MC4R: variants seen among roughly 807,000 people sequenced by gnomAD.
MC4R encodes melanocortin 4 receptor.
A neutral mutation model predicts 16.1 loss-of-function variants in MC4R; 15 were observed. That is an observed-to-expected ratio of 0.93 (90% CI 0.62 to 1.44). The LOEUF is 1.44. MC4R is among the 40% of genes most tolerant of loss of function. The pLI, the probability that MC4R is intolerant of heterozygous loss-of-function variation, is 0.00. For synonymous variants in MC4R, 162 were observed against 151.7 expected (o/e 1.07, Z -0.50); for missense variants, 416 against 411.4 (o/e 1.01, Z -0.10).
rs759904803 is a variant in MC4R at position 60,371,726 on chromosome 18, C to A, written c.624G>T (p.Met208Ile). 1 of 1,614,128 alleles carries A rather than the reference C, an allele frequency of 6.2e-7. No individual in the cohort carries two copies. Among genetic ancestry groups the A allele is most frequent in the Middle Eastern group, 1.7e-4 (1 of 6,060 alleles). The change falls in exon 1 of 1, where the codon ATG becomes ATT. Residue 208 changes from methionine to isoleucine, a missense_variant. Met to Ile is a conservative substitution (Grantham distance 10). Transcript: ENST00000299766. ...GGAACATGTGGACATAGAGAGAAGC[C>A]ATGAGAGCCAGCATGGTGAAGAACA... ...ITMFFTMLAL[M>I]ASLYVHMFLM... is the part of the protein sequence containing the mutation.
rs960831118 is a variant in MC4R, at chr18:60,371,664, A to G, written c.686T>C (p.Leu229Pro). 1 of 1,614,094 alleles carries G rather than the reference A, an allele frequency of 6.2e-7. No homozygotes were observed. The highest frequency in any genetic ancestry group is 1.3e-5 in the African/African-American group (1 of 74,934). The change falls in exon 1 of 1, where the codon CTC becomes CCC. Residue 229 changes from leucine (L) to proline (P), a missense_variant. Coordinates refer to ENST00000299766, the MANE Select transcript of MC4R (RefSeq NM_005912.3). ...TTGGCGGATGGCACCAGTGCCGGGG[A>G]GGACAGCAATCCTCTTAATGTGAAG... ...ARLHIKRIAV[L>P]PGTGAIRQGA...
In MC4R at chr18:60,371,707, T is replaced by C; in HGVS notation, c.643A>G (p.Met215Val). Residue 215 changes from methionine to valine, a missense_variant, in exon 1 of 1, where the codon ATG (methionine) becomes GTG (valine). Met to Val is a conservative substitution (Grantham distance 21). Transcript: ENST00000299766. ...ATGTGAAGCCTGGCCATCAGGAACATGTGGACATAGAGAGAAGCCATGAGA... is the reference window on the plus strand; with the variant it reads ...ATGTGAAGCCTGGCCATCAGGAACACGTGGACATAGAGAGAAGCCATGAGA... Reference protein sequence around the residue: ...LALMASLYVHMFLMARLHIKR... With the variant: ...LALMASLYVHVFLMARLHIKR... The C allele has an allele frequency of 4.3e-6, 7 of 1,614,132 alleles. No individual in the cohort carries two copies. Among genetic ancestry groups the C allele is most frequent in the Non-Finnish European group, 5.9e-6 (7 of 1,180,012 alleles).
Position 60,371,361 on chromosome 18 carries a change from C to A in MC4R, c.989G>T (p.Ser330Ile), listed in dbSNP as rs1915332337. The change falls in exon 1 of 1, where the codon AGC becomes ATC. Residue 330 changes from serine (S) to isoleucine (I), a missense_variant. By Grantham distance (142) the Ser-to-Ile change is moderately radical. Coordinates refer to ENST00000299766, the MANE Select transcript of MC4R (RefSeq NM_005912.3). ...GTGCTCTGTCCCCATTTAATATCTG[C>A]TAGACAAGTCACAAAGGCCTCCCAG... ...YPLGGLCDLS[S>I]RY 6.2e-7 allele frequency: 1 copy of A among 1,614,148 alleles called. No homozygotes were observed. The highest frequency in any genetic ancestry group is 8.5e-7 in the Non-Finnish European group (1 of 1,180,022).
In MC4R at chr18:60,371,702, G is replaced by A. The variant is rs1171672015; in HGVS notation, c.648C>T (p.Phe216=). The A allele has an allele frequency of 6.2e-7, 1 of 1,614,174 alleles. No homozygotes were observed. Among genetic ancestry groups the A allele is most frequent in the South Asian group, 1.1e-5 (1 of 91,078 alleles). ...TCTTAATGTGAAGCCTGGCCATCAG[G>A]AACATGTGGACATAGAGAGAAGCCA... ...ALMASLYVHM[F]LMARLHIKRI... The change falls in exon 1 of 1, where the codon TTC becomes TTT. Residue 216 remains phenylalanine, a synonymous_variant. Coordinates refer to ENST00000299766, the MANE Select transcript of MC4R (RefSeq NM_005912.3).
rs1915328668 is a variant in MC4R, at chr18:60,371,247, A to G, written c.*104T>C. 1.7e-6 allele frequency: 2 copies of G among 1,175,018 alleles called. No individual in the cohort carries two copies. Among genetic ancestry groups the G allele is most frequent in the South Asian group, 2.5e-5 (2 of 81,472 alleles). The allele number at this position is 1,175,018 out of a possible 1,614,324, so 72.8% of individuals were successfully genotyped here. ...TACACAATGGATATTCTCAACCAGT[A>G]CCCTACACGGAAGAGAAAGCTGTTG... On this transcript the variant is annotated 3_prime_UTR_variant, in exon 1 of 1. Transcript: ENST00000299766.
Position 60,371,842 on chromosome 18 carries a change from T to C in MC4R, c.508A>G (p.Ile170Val), listed in dbSNP as rs121913560. Residue 170 changes from isoleucine (I) to valine (V), a missense_variant, in exon 1 of 1, where the codon ATA becomes GTA. Ile to Val is a conservative substitution (Grantham distance 29). Coordinates refer to ENST00000299766, the MANE Select transcript of MC4R (RefSeq NM_005912.3). Reference sequence around the variant, plus strand: ...GTGCAAGCTGCCCAGATACAACTTATGATGATCCCAACCCGCTTAACTGTC... The same window carrying C: ...GTGCAAGCTGCCCAGATACAACTTACGATGATCCCAACCCGCTTAACTGTC... ...IMTVKRVGII[I>V]SCIWAACTVS... 170 of 1,614,136 alleles carry C rather than the reference T, an allele frequency of 1.1e-4. No individual in the cohort carries two copies. Among genetic ancestry groups the C allele is most frequent in the African/African-American group, 9.7e-4 (73 of 75,018 alleles).
chr18:60,371,940 A>G lies in MC4R; in HGVS notation c.410T>C (p.Ile137Thr), dbSNP rs151102515. ...CACTGCAATTGAAAGCAGGCTGCAAATGGATGCAAGCAAGGAGCTACAGAT... is the reference window on the plus strand; with the variant it reads ...CACTGCAATTGAAAGCAGGCTGCAAGTGGATGCAAGCAAGGAGCTACAGAT... ...SVICSSLLAS[I>T]CSLLSIAVDR... is the part of the protein sequence containing the mutation. The change falls in exon 1 of 1, where the codon ATT becomes ACT. Residue 137 changes from isoleucine to threonine, a missense_variant. Transcript: ENST00000299766. 106 of 1,614,194 alleles carry G rather than the reference A, an allele frequency of 6.6e-5. 1 individual carries two copies. The highest frequency in any genetic ancestry group is 8.5e-5 in the Non-Finnish European group (100 of 1,180,042).
Position 60,372,415 on chromosome 18 carries a change from G to T in MC4R, c.-66C>A. ...CCTCCTGGGTCAGGGAGTCGTCTCAGTTATTTCCTCCAAGTCTTTATCTGT... is the reference window on the plus strand; with the variant it reads ...CCTCCTGGGTCAGGGAGTCGTCTCATTTATTTCCTCCAAGTCTTTATCTGT... On this transcript the variant is annotated 5_prime_UTR_variant, in exon 1 of 1. In the 5' UTR this introduces an upstream ATG that the reference lacks. Transcript: ENST00000299766. 6 of 1,555,596 alleles carry T rather than the reference G, an allele frequency of 3.9e-6. No individual in the cohort carries two copies. The South Asian group carries it at 5.7e-5, about 15-fold the overall frequency.
At position 60,372,350 on chromosome 18, in the gene MC4R, G is replaced by A. The variant is rs1915368740; in HGVS notation, c.-1C>T. The A allele has an allele frequency of 6.2e-7, 1 of 1,613,896 alleles. No individual in the cohort carries two copies. The highest frequency in any genetic ancestry group is 1.7e-5 in the Admixed American group (1 of 60,002). On this transcript the variant is annotated 5_prime_UTR_variant, in exon 1 of 1. Coordinates refer to ENST00000299766, the MANE Select transcript of MC4R (RefSeq NM_005912.3). ...TCCCACGGTGGGTGGAGTTCACCATGCTGGCAGGAGAATTCCAGTGTCCCC... is the reference window on the plus strand; with the variant it reads ...TCCCACGGTGGGTGGAGTTCACCATACTGGCAGGAGAATTCCAGTGTCCCC...
rs1029661335 is a variant in MC4R, at chr18:60,371,206, A to G, written c.*145T>C. The G allele has an allele frequency of 1.1e-6, 1 of 883,978 alleles. No individual in the cohort carries two copies. The highest frequency in any genetic ancestry group is 1.7e-5 in the African/African-American group (1 of 60,016). 54.8% of individuals were successfully genotyped at this position (883,978 alleles called of 1,614,324 possible). ...GACTGGGCATTTTTTCTCATTAAAA[A>G]TCATAGGCTTAAATTTACACAATGG... On this transcript the variant is annotated 3_prime_UTR_variant, in exon 1 of 1. Coordinates refer to ENST00000299766, the MANE Select transcript of MC4R (RefSeq NM_005912.3).
Position 60,372,446 on chromosome 18 carries a change from A to G in MC4R, c.-97T>C. 7 of 1,394,608 alleles carry G rather than the reference A, an allele frequency of 5.0e-6. No individual in the cohort carries two copies. The highest frequency in any genetic ancestry group is 7.0e-6 in the Non-Finnish European group (7 of 1,002,320). 86.4% of individuals were successfully genotyped at this position (1,394,608 alleles called of 1,614,324 possible). ...TCCTCCAAGTCTTTATCTGTCTGAA[A>G]GTTGTGAGGCTAAAATTGCCATGCC... On this transcript the variant is annotated 5_prime_UTR_variant, in exon 1 of 1. Transcript: ENST00000299766.
rs752820152 is a variant in MC4R, at chr18:60,371,649, G to A, written c.701C>T (p.Ala234Val). The A allele has an allele frequency of 3.7e-6, 6 of 1,614,204 alleles. No homozygotes were observed. In the East Asian group the frequency reaches 1.3e-4, roughly 36 times the overall value. ...KRIAVLPGTG[A>V]IRQGANMKGA... ...CTTCATATTGGCACCTTGGCGGATG[G>A]CACCAGTGCCGGGGAGGACAGCAAT... The change falls in exon 1 of 1, where the codon GCC becomes GTC. Residue 234 changes from alanine (A) to valine (V), a missense_variant. Coordinates refer to ENST00000299766, the MANE Select transcript of MC4R (RefSeq NM_005912.3).
chr18:60,371,795 G>A lies in MC4R; in HGVS notation c.555C>T (p.Ile185=), dbSNP rs1915347892. 2.5e-6 allele frequency: 4 copies of A among 1,614,032 alleles called. No homozygotes were observed. In the South Asian group the frequency reaches 4.4e-5, roughly 18 times the overall value. The change falls in exon 1 of 1, where the codon ATC becomes ATT. Residue 185 remains isoleucine (I), a synonymous_variant. Transcript: ENST00000299766. ...AACTVSGILF[I]IYSDSSAVII... ...TGACAGCACTACTATCTGAGTAAATGATGAACAAAATGCCTGAAACCGTGC... is the reference window on the plus strand; with the variant it reads ...TGACAGCACTACTATCTGAGTAAATAATGAACAAAATGCCTGAAACCGTGC...
rs747891537 is a variant in MC4R at position 60,371,112 on chromosome 18, C to G, written c.*239G>C. 1 of 513,194 alleles carries G rather than the reference C, an allele frequency of 1.9e-6. No homozygotes were observed. Among genetic ancestry groups the G allele is most frequent in the Non-Finnish European group, 3.5e-6 (1 of 284,552 alleles). The allele number at this position is 513,194 out of a possible 1,614,324, so 31.8% of individuals were successfully genotyped here. ...CTTTTCTTTTTGTAAATCCACAGTG[C>G]CTACAACCTATAACATAGATTCATA... On this transcript the variant is annotated 3_prime_UTR_variant, in exon 1 of 1. Coordinates refer to ENST00000299766, the MANE Select transcript of MC4R (RefSeq NM_005912.3).
Position 60,372,338 on chromosome 18 carries a change from G to A in MC4R, c.12C>T (p.Ser4=), listed in dbSNP as rs757561015. The change falls in exon 1 of 1, where the codon TCC becomes TCT. Residue 4 remains serine, a synonymous_variant. Transcript: ENST00000299766. The part of the protein sequence containing the change: MVN[S]THRGMHTSLH... ...GAGAAGTGTGCATCCCACGGTGGGT[G>A]GAGTTCACCATGCTGGCAGGAGAAT... The A allele has an allele frequency of 3.1e-5, 50 of 1,613,990 alleles. No homozygotes were observed. In the East Asian group the frequency reaches 1.1e-3, roughly 35 times the overall value.
chr18:60,372,215 A>G lies in MC4R; in HGVS notation c.135T>C (p.Phe45=). The change falls in exon 1 of 1, where the codon TTT becomes TTC. Residue 45 remains phenylalanine (F), a synonymous_variant. Coordinates refer to ENST00000299766, the MANE Select transcript of MC4R (RefSeq NM_005912.3). ...YSDGGCYEQL[F]VSPEVFVTLG... The stretch of plus-strand genomic sequence containing the variant: ...GAGTCACAAACACCTCAGGAGAGAC[A>G]AAAAGTTGCTCGTAGCACCCTCCAT... The G allele has an allele frequency of 6.2e-7, 1 of 1,614,246 alleles. No individual in the cohort carries two copies. Among genetic ancestry groups the G allele is most frequent in the Non-Finnish European group, 8.5e-7 (1 of 1,180,040 alleles).
At position 60,371,913 on chromosome 18, in the gene MC4R, T is replaced by C; in HGVS notation, c.437A>G (p.Asp146Gly). ...SICSLLSIAV[D>G]RYFTIFYALQ... ...AGCATAGAAGATAGTAAAGTACCTG[T>C]CCACTGCAATTGAAAGCAGGCTGCA... The change falls in exon 1 of 1, where the codon GAC (aspartate) becomes GGC (glycine). Residue 146 changes from aspartate to glycine, a missense_variant. Asp to Gly is a moderately conservative substitution (Grantham distance 94). Coordinates refer to ENST00000299766, the MANE Select transcript of MC4R (RefSeq NM_005912.3). 6.2e-7 allele frequency: 1 copy of C among 1,614,118 alleles called. No homozygotes were observed. The highest frequency in any genetic ancestry group is 8.5e-7 in the Non-Finnish European group (1 of 1,180,000).
chr18:60,371,303 T>TG lies in MC4R; in HGVS notation c.*47dup, dbSNP rs1163640045. 1.2e-5 allele frequency: 19 copies of TG among 1,592,886 alleles called. No homozygotes were observed. Among genetic ancestry groups the TG allele is most frequent in the Non-Finnish European group, 1.6e-5 (19 of 1,162,394 alleles). ...GTACAATATTCAGGTAGGGTAAGAG[T>TG]GAAAAAGTCTCTTATGCATGTTCCT... On this transcript the variant is annotated 3_prime_UTR_variant, in exon 1 of 1. Transcript: ENST00000299766.
chr18:60,371,997 G>A lies in MC4R; in HGVS notation c.353C>T (p.Thr118Ile). 1 of 1,614,142 alleles carries A rather than the reference G, an allele frequency of 6.2e-7. No individual in the cohort carries two copies. ...GTCAATGACATTATCAATATTCACT[G>A]TGAAACTCTGTGCATCCGTATCTGT... is the stretch of plus-strand genomic sequence containing the variant. The part of the protein sequence containing the change: ...NSTDTDAQSF[T>I]VNIDNVIDSV... Residue 118 changes from threonine to isoleucine, a missense_variant, in exon 1 of 1, where the codon ACA (threonine) becomes ATA (isoleucine). Thr to Ile is a moderately conservative substitution (Grantham distance 89). Transcript: ENST00000299766.
Sources: allele counts gnomAD v4.1 joint callset, GRCh38; gene constraint gnomAD v4.1.1; transcripts MANE v1.5; gene names NCBI Gene and HGNC (gene_info 2026-07-23, HGNC 2026-07-21).